CEP97: variants seen among roughly 807,000 people sequenced by gnomAD.
The protein encoded by CEP97 is centrosomal protein 97.
CEP97 carries 43 observed loss-of-function variants against 73.1 expected under a neutral mutation model. The observed-to-expected ratio is 0.59, with a 90% CI of 0.46 to 0.76. The LOEUF is 0.76. Among genes scored for constraint, CEP97 ranks in the 30% least tolerant of loss-of-function variants. The pLI is 0.00. For missense variants in CEP97, 939 were observed against 1,014.0 expected, an observed-to-expected ratio of 0.93 and a Z score of 1.00; for synonymous variants, 337 against 370.0, an observed-to-expected ratio of 0.91 and a Z score of 1.02.
intron 6 of CEP97, among the ~76,000 whole-genome samples, chr3:101,754,381 A>G (rs1222110941): frequency 6.6e-6 from 1 of 152,210 alleles, no homozygotes; most frequent in Non-Finnish European, 1.5e-5. Flanking sequence ...TCAGATATTC[A>G]GTCTTATATT....
Position 101,765,636 on chromosome 3 carries a change from C to A in CEP97, c.*85C>A. On this transcript the variant is annotated 3_prime_UTR_variant, in exon 11 of 11. Coordinates refer to ENST00000341893, the MANE Select transcript of CEP97 (RefSeq NM_024548.4). ...TTGCTTTTTTTTGGAGGGAAATACT[C>A]CCTACCCCTAATTTTGTTACTACTT... The A allele has an allele frequency of 2.9e-6, 3 of 1,039,674 alleles. No homozygotes were observed. Among genetic ancestry groups the A allele is most frequent in the Non-Finnish European group, 4.2e-6 (3 of 708,834 alleles). The allele number at this position is 1,039,674 out of a possible 1,614,324, so 64.4% of individuals were successfully genotyped here. A position where few individuals can be genotyped will look rare whatever the true frequency, so the allele number is the denominator to read the frequency against.
chr3:101,735,998 G>A (rs1485577539), intron 6 of CEP97, among the ~76,000 whole-genome samples: 7 of 152,190 alleles, frequency 4.6e-5, no homozygotes, highest in African/African-American at 1.4e-4. Flanking sequence ...TGGGATGCTC[G>A]AGCTTGTCGG....
intron 10 of CEP97, among the ~76,000 whole-genome samples, chr3:101,764,493 C>A (rs1011525759): frequency 6.6e-6 from 1 of 152,030 alleles, no homozygotes. Context: ...TGCCTGTAAT[C>A]CCAGCTACTT....
At position 101,727,380 on chromosome 3, in the gene CEP97, C is replaced by T. The variant is rs752129117; in HGVS notation, c.187-3C>T. On this transcript the variant is annotated splice_polypyrimidine_tract_variant and splice_region_variant and intron_variant, in intron 2 of 10. Coordinates refer to ENST00000341893, the MANE Select transcript of CEP97 (RefSeq NM_024548.4). Reference sequence around the variant, plus strand: ...AAAATAACAATATGTTTCCTTTTTACAGTTATCAGTAGCTAATAATCGGCT... The same window carrying T: ...AAAATAACAATATGTTTCCTTTTTATAGTTATCAGTAGCTAATAATCGGCT... The T allele has an allele frequency of 3.7e-6, 6 of 1,603,598 alleles. No homozygotes were observed. The highest frequency in any genetic ancestry group is 1.3e-5 in the African/African-American group (1 of 74,574).
chr3:101,755,980 G>A (rs1356601629), intron 7 of CEP97, among the ~76,000 whole-genome samples: 2 of 152,014 alleles, frequency 1.3e-5, no homozygotes, highest in Non-Finnish European at 2.9e-5. Context: ...CAGTTCTCCT[G>A]CTTCGGCCTC....
chr3:101,735,416 A>G (rs1323247088), intron 6 of CEP97, among the ~76,000 whole-genome samples: 1 of 152,174 alleles, frequency 6.6e-6, no homozygotes, highest in East Asian at 1.9e-4. Flanking sequence ...AAGATGGCTG[A>G]ATAGCAACAG....
chr3:101,761,291 T>C (rs1337505033), intron 9 of CEP97, among the ~76,000 whole-genome samples: 1 of 152,066 alleles, frequency 6.6e-6, no homozygotes, highest in African/African-American at 2.4e-5. Flanking sequence ...GAAGTAGTGG[T>C]TGGTGTTGGG....
At chr3:101,748,091 C>G (rs543308379) in intron 6 of CEP97, among the ~76,000 whole-genome samples, 3 of 127,560 alleles carry the variant, frequency 2.4e-5, no homozygotes, top group African/African-American at 9.1e-5. Flanking sequence ...ATGATAGTGC[C>G]ATTGCACTCC....
intron 6 of CEP97, among the ~76,000 whole-genome samples, chr3:101,736,724 TC>T (rs1560010749): frequency 6.6e-6 from 1 of 152,096 alleles, no homozygotes; most frequent in Non-Finnish European, 1.5e-5. Context: ...AGTAGATAAA[TC>T]CACGAAGATG....
intron 6 of CEP97, among the ~76,000 whole-genome samples, chr3:101,738,495 C>G (rs1380161158): frequency 6.6e-6 from 1 of 152,218 alleles, no homozygotes; most frequent in East Asian, 1.9e-4. Flanking sequence ...AACAGTCTCT[C>G]AGACCACAGT....
In CEP97 at chr3:101,727,365, T is replaced by G. The variant is rs1170850243; in HGVS notation, c.187-18T>G. The stretch of plus-strand genomic sequence containing the variant: ...TATATGTTATTCCTAAAAATAACAA[T>G]ATGTTTCCTTTTTACAGTTATCAGT... On this transcript the variant is annotated intron_variant, in intron 2 of 10. Transcript: ENST00000341893. 5.7e-6 allele frequency: 4 copies of G among 705,116 alleles called. No homozygotes were observed. The highest frequency in any genetic ancestry group is 8.1e-6 in the Non-Finnish European group (4 of 491,350). The allele number at this position is 705,116 out of a possible 1,614,324, so 43.7% of individuals were successfully genotyped here.
chr3:101,757,283 A>G (rs1408749784), intron 8 of CEP97, 87 bp downstream of exon 8: 2 of 1,462,106 alleles, frequency 1.4e-6, no homozygotes, highest in Non-Finnish European at 1.8e-6. Flanking sequence ...GCATATTTTC[A>G]TAATTTTTTG....
intron 2 of CEP97, 41 bp from the exon 3 acceptor site, chr3:101,727,342 T>C (rs997965605): frequency 2.0e-6 from 3 of 1,513,740 alleles, no homozygotes; most frequent in African/African-American, 2.8e-5. Flanking sequence ...ATATTTTATA[T>C]ATGTTATTCC....
At chr3:101,729,929 C>T (rs753851432) in intron 4 of CEP97, among the ~76,000 whole-genome samples, 3 of 151,868 alleles carry the variant, frequency 2.0e-5, no homozygotes, top group Non-Finnish European at 2.9e-5. Context: ...CTCAGCGTCC[C>T]GCGTAGCTGG....
Position 101,757,073 on chromosome 3 carries a change from A to G in CEP97, c.904A>G (p.Arg302Gly), listed in dbSNP as rs1264854327. The G allele has an allele frequency of 6.2e-7, 1 of 1,607,430 alleles. No homozygotes were observed. Among genetic ancestry groups the G allele is most frequent in the Non-Finnish European group, 8.5e-7 (1 of 1,178,196 alleles). ...ATTATTGATTTTTAGGTTTCACCAG[A>G]GGCAGTTGATGAACCAAAGCCAAAA... ...KILSKQRFHQ[R>G]QLMNQSQNEE... The change falls in exon 8 of 11, where the codon AGG (arginine) becomes GGG (glycine). Residue 302 changes from arginine (R) to glycine (G), a missense_variant. Physicochemically the swap from Arg to Gly is moderately radical, Grantham distance 125. Coordinates refer to ENST00000341893, the MANE Select transcript of CEP97 (RefSeq NM_024548.4).
chr3:101,725,534 C>G (rs200062076), intron 1 of CEP97, among the ~76,000 whole-genome samples: 1 of 152,132 alleles, frequency 6.6e-6, no homozygotes, highest in Non-Finnish European at 1.5e-5. Flanking sequence ...CTGTCGACCC[C>G]TTGGAATTGT....
rs569976446 is a variant in CEP97, at chr3:101,756,546, T to G, written c.894-517T>G. Among the ~76,000 whole-genome samples, 6 of 151,926 alleles carry G rather than the reference T, an allele frequency of 3.9e-5. No homozygotes were observed. In the South Asian group the frequency reaches 1.2e-3, roughly 32 times the overall value. ...ACGCACCACCAAGCCTCGGCTAATT[T>G]TTTATATTTTTTGTAGAGATGGGGT... is the stretch of plus-strand genomic sequence containing the variant. On this transcript the variant is annotated intron_variant, in intron 7 of 10. Transcript: ENST00000341893.
At chr3:101,752,002 A>T (rs1242023519) in intron 6 of CEP97, among the ~76,000 whole-genome samples, 1 of 152,100 alleles carries the variant, frequency 6.6e-6, no homozygotes, top group Non-Finnish European at 1.5e-5. Flanking sequence ...GGTCTTTACA[A>T]TTTGGCATGA....
intron 8 of CEP97, 78 bp downstream of exon 8, chr3:101,757,274 C>A: frequency 6.8e-7 from 1 of 1,471,844 alleles, no homozygotes; most frequent in Non-Finnish European, 9.1e-7. Context: ...GAAAAAGGTG[C>A]ATATTTTCAT....
Sources: gnomAD v4.1 joint callset for allele counts (sites outside exome capture counted in the v4.1 genomes callset) on GRCh38, gnomAD v4.1.1 for gene constraint, MANE v1.5 for transcripts, NCBI Gene and HGNC (gene_info 2026-07-23, HGNC 2026-07-21) for gene names.